PTPN13: variants seen among roughly 807,000 people sequenced by gnomAD.
The protein encoded by PTPN13 is tyrosine-protein phosphatase non-receptor type 13.
Under a neutral mutation model 284.0 loss-of-function variants are expected in PTPN13, and 191 were observed. The observed-to-expected ratio is 0.67, with a 90% confidence interval of 0.60 to 0.76. PTPN13 has a LOEUF of 0.76. Ranked by LOEUF, PTPN13 falls within the 30% of genes least tolerant of loss-of-function variation. The pLI, the probability that PTPN13 is intolerant of heterozygous loss-of-function variation, is 0.00. For missense variants in PTPN13, 2,797 were observed against 2,939.9 expected (o/e 0.95, Z 1.12); for synonymous variants, 986 against 1,022.3 (o/e 0.96, Z 0.68).
chr4:86,717,697 G>T (rs540029481), intron 9 of PTPN13, among the ~76,000 whole-genome samples: 53 of 152,124 alleles, frequency 3.5e-4, no homozygotes, highest in Admixed American at 6.6e-4. Context: ...ATAACAGGAA[G>T]GTCAAGGCAT....
rs1728102568 is a variant in PTPN13 at position 86,674,822 on chromosome 4, G to A, written c.294+2279G>A. ...GTACCAGTAATGTTTTATTAAGCTG[G>A]ATAGTATACATATATAGTTATTCAT... On this transcript the variant is annotated intron_variant, in intron 3 of 47. Transcript: ENST00000411767. Among the ~76,000 whole-genome samples, 3 of 152,146 alleles carry A rather than the reference G, an allele frequency of 2.0e-5. No individual in the cohort carries two copies. The South Asian group carries it at 6.2e-4, about 32-fold the overall frequency.
At chr4:86,654,889 G>A (rs1048351460) in intron 2 of PTPN13, among the ~76,000 whole-genome samples, 3 of 152,098 alleles carry the variant, frequency 2.0e-5, no homozygotes, top group Non-Finnish European at 4.4e-5. Flanking sequence ...TCTCTTTGTA[G>A]GTCTCTAAGG....
intron 35 of PTPN13, among the ~76,000 whole-genome samples, chr4:86,779,278 G>A (rs750637002): frequency 3.9e-5 from 6 of 152,044 alleles, no homozygotes; most frequent in Non-Finnish European, 7.4e-5. Context: ...TTAGCCGGGC[G>A]TGGTGGCGGG....
At chr4:86,724,573 T>A (rs569126151) in intron 10 of PTPN13, among the ~76,000 whole-genome samples, 1 of 152,320 alleles carries the variant, frequency 6.6e-6, no homozygotes, top group East Asian at 1.9e-4. Context: ...ATTAGATAAT[T>A]TGAACTACTG....
At chr4:86,738,078 CT>C (rs1275910482) in intron 15 of PTPN13, among the ~76,000 whole-genome samples, 1 of 151,680 alleles carries the variant, frequency 6.6e-6, no homozygotes, top group Admixed American at 6.6e-5. Flanking sequence ...TCAGTAGTTT[CT>C]TTTCTTTTTT....
intron 1 of PTPN13, among the ~76,000 whole-genome samples, chr4:86,610,030 A>G (rs1216358944): frequency 1.3e-5 from 2 of 152,132 alleles, no homozygotes; most frequent in Non-Finnish European, 2.9e-5. Context: ...TAGATTCAAC[A>G]TGGTGAAACC....
chr4:86,748,955 T>G (rs186892275), intron 17 of PTPN13, among the ~76,000 whole-genome samples: 23 of 152,298 alleles, frequency 1.5e-4, no homozygotes, highest in Admixed American at 1.1e-3. Context: ...GCGCCCAGCC[T>G]GATTATGGGA....
rs575396623 is a variant in PTPN13, at chr4:86,631,142, G to A, written c.-5-4110G>A. ...CTTTGTGATAGGTTAATGTGATAACGTCTGTTATATATCTGTACTCCCAAG... is the reference window on the plus strand; with the variant it reads ...CTTTGTGATAGGTTAATGTGATAACATCTGTTATATATCTGTACTCCCAAG... On this transcript the variant is annotated intron_variant, in intron 1 of 47. Coordinates refer to ENST00000411767, the MANE Select transcript of PTPN13 (RefSeq NM_080683.3). Among the ~76,000 whole-genome samples the A allele has an allele frequency of 1.5e-3, 221 of 152,178 alleles. 1 individual carries two copies. Among genetic ancestry groups the A allele is most frequent in the African/African-American group, 5.1e-3 (210 of 41,544 alleles).
chr4:86,746,061 A>T (rs1736730301), intron 17 of PTPN13, among the ~76,000 whole-genome samples: 1 of 152,266 alleles, frequency 6.6e-6, no homozygotes, highest in African/African-American at 2.4e-5. Flanking sequence ...ACTACCTATT[A>T]GTTTTACTTG....
intron 7 of PTPN13, among the ~76,000 whole-genome samples, chr4:86,705,152 G>T (rs558025165): frequency 6.6e-6 from 1 of 151,886 alleles, no homozygotes; most frequent in Non-Finnish European, 1.5e-5. Flanking sequence ...TGGCTAACAC[G>T]GTGAAACCCC....
chr4:86,802,473 T>G, intron 42 of PTPN13, among the ~76,000 whole-genome samples: 1 of 151,766 alleles, frequency 6.6e-6, no homozygotes, highest in Non-Finnish European at 1.5e-5. Context: ...GCCATATGAG[T>G]CAAGAGAAGC....
chr4:86,707,379 T>C (rs1731884641), intron 7 of PTPN13, among the ~76,000 whole-genome samples: 1 of 152,200 alleles, frequency 6.6e-6, no homozygotes, highest in South Asian at 2.1e-4. Context: ...GGTCCTAGCC[T>C]AGTTTTGCTA....
intron 7 of PTPN13, among the ~76,000 whole-genome samples, chr4:86,704,554 T>A (rs780149491): frequency 1.3e-5 from 2 of 152,204 alleles, no homozygotes; most frequent in Non-Finnish European, 2.9e-5. Context: ...CTTTTATATC[T>A]GCAAAGATGA....
intron 1 of PTPN13, among the ~76,000 whole-genome samples, chr4:86,597,848 A>C (rs148808513): frequency 6.6e-6 from 1 of 152,212 alleles, no homozygotes; most frequent in African/African-American, 2.4e-5. Flanking sequence ...AGAGTTTGCT[A>C]TCAAATGCAT....
At chr4:86,595,543 A>T (rs764856094) in intron 1 of PTPN13, 1 of 152,878 alleles carries the variant, frequency 6.5e-6, no homozygotes, top group East Asian at 1.9e-4. Context: ...AGAGATTTAC[A>T]GCAATACAGT....
At chr4:86,806,235 GA>G (rs1276082435) in intron 44 of PTPN13, among the ~76,000 whole-genome samples, 1 of 151,520 alleles carries the variant, frequency 6.6e-6, no homozygotes, top group Non-Finnish European at 1.5e-5. Context: ...ATCACACTGT[GA>G]TTTTTTTTAA....
Position 86,735,662 on chromosome 4 carries a change from A to T in PTPN13, c.2220A>T (p.Leu740Phe). 6.2e-7 allele frequency: 1 copy of T among 1,613,418 alleles called. No individual in the cohort carries two copies. The highest frequency in any genetic ancestry group is 8.5e-7 in the Non-Finnish European group (1 of 1,179,498). Residue 740 changes from leucine to phenylalanine, a missense_variant, in exon 15 of 48, where the codon TTA becomes TTT. By Grantham distance (22) the Leu-to-Phe change is conservative (BLOSUM62 0). Transcript: ENST00000411767. ...LPARVMEKLDLSYIKEELPKL... is the reference protein window; with the variant it reads ...LPARVMEKLDFSYIKEELPKL... ...CCAGAGTGATGGAGAAACTTGATTTATCCTATATCAAAGAAGAGTTACCCA... is the reference window on the plus strand; with the variant it reads ...CCAGAGTGATGGAGAAACTTGATTTTTCCTATATCAAAGAAGAGTTACCCA...
intron 36 of PTPN13, among the ~76,000 whole-genome samples, chr4:86,781,043 G>A (rs973341792): frequency 6.6e-6 from 1 of 152,146 alleles, no homozygotes; most frequent in Non-Finnish European, 1.5e-5. Context: ...TGAACCGGTG[G>A]TGTATTATTG....
rs1236071395 is a variant in PTPN13 at position 86,701,604 on chromosome 4, C to T, written c.998C>T (p.Thr333Ile). 3.1e-6 allele frequency: 5 copies of T among 1,613,932 alleles called. No homozygotes were observed. The South Asian group carries it at 4.4e-5, about 14-fold the overall frequency. ...CACCCTGAGGCAGTAACAGTGCGGA[C>T]TTCAACTACTCCTAGAAAAAAGGAG... ...RCHPEAVTVRTSTTPRKKEAR... is the reference protein window; with the variant it reads ...RCHPEAVTVRISTTPRKKEAR... The change falls in exon 7 of 48, where the codon ACT (threonine) becomes ATT (isoleucine). Residue 333 changes from threonine to isoleucine, a missense_variant. By Grantham distance (89) the Thr-to-Ile change is moderately conservative (BLOSUM62 -1). Coordinates refer to ENST00000411767, the MANE Select transcript of PTPN13 (RefSeq NM_080683.3).
Sources: allele counts gnomAD v4.1 joint callset (sites outside exome capture counted in the v4.1 genomes callset), GRCh38; gene constraint gnomAD v4.1.1; transcripts MANE v1.5; gene names NCBI Gene and HGNC (gene_info 2026-07-23, HGNC 2026-07-21).